Variants in ANO3 observed in about 807,000 individuals in gnomAD.
ANO3 encodes the protein anoctamin 3, also known as anoctamin-3.
In ANO3, 99 loss-of-function variants were observed where a neutral mutation model predicts 144.8. That is an observed-to-expected ratio of 0.68 (90% confidence interval 0.58 to 0.81). The LOEUF (loss-of-function observed/expected upper bound fraction) is 0.81. Among genes scored for constraint, ANO3 ranks in the 30% least tolerant of loss-of-function variants. The pLI is 0.00. For missense variants in ANO3, 905 were observed against 1,202.2 expected, an observed-to-expected ratio of 0.75 and a Z score of 3.66; for synonymous variants, 414 against 392.6, an observed-to-expected ratio of 1.05 and a Z score of -0.64.
intron 1 of ANO3, among the ~76,000 whole-genome samples, chr11:26,339,984 C>T (rs1855311471): frequency 6.6e-6 from 1 of 152,186 alleles, no homozygotes; most frequent in Admixed American, 6.5e-5. Context: ...TATTCACCTC[C>T]TCACTATAAC....
At chr11:26,628,962 T>G (rs1013423005) in intron 18 of ANO3, among the ~76,000 whole-genome samples, 2 of 152,080 alleles carry the variant, frequency 1.3e-5, no homozygotes, top group East Asian at 3.9e-4. Context: ...GACAAGCCCC[T>G]ATACACAAGT....
chr11:26,307,715 G>A (rs533725623), upstream of ANO3, among the ~76,000 whole-genome samples: 40 of 87,258 alleles, frequency 4.6e-4, no homozygotes, highest in South Asian at 8.8e-4. Context: ...GCGAAACTCC[G>A]TCTCTAAATA....
At chr11:26,607,506 G>A (rs553785992) in intron 17 of ANO3, among the ~76,000 whole-genome samples, 2 of 152,224 alleles carry the variant, frequency 1.3e-5, no homozygotes, top group African/African-American at 2.4e-5. Context: ...CAGAGGCTTT[G>A]TTTATTCCTT....
intron 1 of ANO3, among the ~76,000 whole-genome samples, chr11:26,418,554 A>G (rs974251659): frequency 1.3e-4 from 20 of 152,038 alleles, no homozygotes; most frequent in African/African-American, 4.8e-4. Context: ...AACAGTGTAA[A>G]CATTAAAAAA....
At chr11:26,481,702 A>G (rs1190369868) in intron 4 of ANO3, among the ~76,000 whole-genome samples, 1 of 152,182 alleles carries the variant, frequency 6.6e-6, no homozygotes, top group Non-Finnish European at 1.5e-5. Flanking sequence ...AGCACCTCAT[A>G]AAAATGGACT....
chr11:26,283,317 AATAAATAT>A (rs1220773810), intron 1 of ANO3, among the ~76,000 whole-genome samples: 3,992 of 77,496 alleles, frequency 0.052, 239 homozygotes, highest in African/African-American at 0.15. Context: ...TAAACAAATA[AATAAATAT>A]ATATATATAT....
chr11:26,473,179 T>A (rs1859844065), intron 4 of ANO3, among the ~76,000 whole-genome samples: 1 of 152,002 alleles, frequency 6.6e-6, no homozygotes, highest in African/African-American at 2.4e-5. Flanking sequence ...GCATGCTTAT[T>A]AACTCAAGAC....
At chr11:26,396,416 A>G (rs941479794) in intron 1 of ANO3, among the ~76,000 whole-genome samples, 1 of 152,054 alleles carries the variant, frequency 6.6e-6, no homozygotes, top group Non-Finnish European at 1.5e-5. Context: ...ACCAGAAATA[A>G]CATTTGACCC....
chr11:26,343,189 A>T (rs1007729572), intron 1 of ANO3, among the ~76,000 whole-genome samples: 1 of 152,068 alleles, frequency 6.6e-6, no homozygotes, highest in Non-Finnish European at 1.5e-5. Flanking sequence ...TATAAGTTCA[A>T]CTTTCTTAGA....
intron 1 of ANO3, among the ~76,000 whole-genome samples, chr11:26,321,831 G>A (rs1243403747): frequency 6.6e-6 from 1 of 151,906 alleles, no homozygotes; most frequent in East Asian, 1.9e-4. Flanking sequence ...CAGGATAAGT[G>A]TCTTTTCTTA....
intron 4 of ANO3, among the ~76,000 whole-genome samples, chr11:26,480,149 G>C (rs1860153638): frequency 6.6e-6 from 1 of 152,186 alleles, no homozygotes; most frequent in African/African-American, 2.4e-5. Context: ...GTCTCATGCA[G>C]AAACTTCTAA....
intron 1 of ANO3, among the ~76,000 whole-genome samples, chr11:26,222,095 G>A (rs1852157601): frequency 6.6e-6 from 1 of 152,108 alleles, no homozygotes; most frequent in East Asian, 1.9e-4. Context: ...TCTCATCTGA[G>A]ACTCATTATT....
At chr11:26,191,265 C>A (rs1254479483) in intron 1 of ANO3, among the ~76,000 whole-genome samples, 3 of 149,256 alleles carry the variant, frequency 2.0e-5, no homozygotes, top group African/African-American at 7.4e-5. Context: ...GCAACAAGAG[C>A]AAAACTCCAT....
intron 1 of ANO3, among the ~76,000 whole-genome samples, chr11:26,220,496 G>A (rs1198148752): frequency 2.0e-5 from 3 of 150,560 alleles, no homozygotes; most frequent in African/African-American, 7.3e-5. Context: ...TGCAGCTGGA[G>A]ATGTTGGCAG....
chr11:26,485,862 CTG>C (rs1480202109), intron 4 of ANO3, among the ~76,000 whole-genome samples: 3 of 152,034 alleles, frequency 2.0e-5, no homozygotes, highest in African/African-American at 7.2e-5. Context: ...ATGAGACAAA[CTG>C]AGAAATTTCT....
intron 14 of ANO3, among the ~76,000 whole-genome samples, chr11:26,571,698 CA>C (rs1171862150): frequency 1.3e-5 from 2 of 152,128 alleles, no homozygotes; most frequent in African/African-American, 4.8e-5. Context: ...CCACTTTAAA[CA>C]TTTTGAAACC....
chr11:26,322,366 T>C (rs958228336), intron 1 of ANO3, among the ~76,000 whole-genome samples: 1 of 152,142 alleles, frequency 6.6e-6, no homozygotes, highest in Non-Finnish European at 1.5e-5. Flanking sequence ...CCAGTATTCA[T>C]ACATTATTAT....
chr11:26,204,868 A>G (rs2133915675), intron 1 of ANO3, among the ~76,000 whole-genome samples: 1 of 152,282 alleles, frequency 6.6e-6, no homozygotes, highest in South Asian at 2.1e-4. Flanking sequence ...ATGTGGGAAT[A>G]ATTTGTACCT....
chr11:26,243,615 A>T (rs1163119042), intron 1 of ANO3, among the ~76,000 whole-genome samples: 1 of 152,230 alleles, frequency 6.6e-6, no homozygotes, highest in Non-Finnish European at 1.5e-5. Context: ...AACTCTTCTC[A>T]GAAGCAAAGC....
Sources: allele counts gnomAD v4.1 joint callset (sites outside exome capture counted in the v4.1 genomes callset), GRCh38; gene constraint gnomAD v4.1.1; transcripts MANE v1.5; gene names NCBI Gene and HGNC (gene_info 2026-07-23, HGNC 2026-07-21).